Variants in NAALADL2 observed in about 807,000 individuals in gnomAD.
NAALADL2 encodes the protein N-acetylated alpha-linked acidic dipeptidase like 2.
A neutral mutation model predicts 87.2 loss-of-function variants in NAALADL2; 76 were observed. The ratio of observed to expected loss-of-function variants is 0.87; its 90% CI spans 0.72 to 1.05. The LOEUF is 1.05. NAALADL2 is among the 50% of genes least tolerant of loss of function. NAALADL2 has a pLI of 0.00. For missense variants in NAALADL2, 1,089 were observed against 945.8 expected (o/e 1.15, Z -1.99); for synonymous variants, 354 against 331.0 (o/e 1.07, Z -0.75).
intron 2 of NAALADL2, among the ~76,000 whole-genome samples, chr3:175,133,179 G>A (rs1388289609): frequency 1.3e-5 from 2 of 151,242 alleles, no homozygotes; most frequent in Non-Finnish European, 2.9e-5. Context: ...CCGGGAAGAG[G>A]CGCTCCTCAC....
intron 1 of NAALADL2, among the ~76,000 whole-genome samples, chr3:174,510,625 A>G (rs1719538596): frequency 6.6e-6 from 1 of 151,786 alleles, no homozygotes; most frequent in Non-Finnish European, 1.5e-5. Flanking sequence ...TACCAATTGT[A>G]TTGATTCTTT....
At chr3:174,828,872 A>T (rs911878556) in intron 3 of NAALADL2, among the ~76,000 whole-genome samples, 8 of 152,204 alleles carry the variant, frequency 5.3e-5, no homozygotes, top group African/African-American at 1.9e-4. Flanking sequence ...ATGATGTAGA[A>T]CAAAATGCTC....
intron 1 of NAALADL2, among the ~76,000 whole-genome samples, chr3:174,872,932 C>A (rs546297686): frequency 1.1e-3 from 171 of 152,260 alleles, no homozygotes; most frequent in African/African-American, 4.0e-3. Flanking sequence ...ATTTTGAAAG[C>A]ATTGTCTGGG....
At chr3:175,193,040 T>C (rs1738438076) in intron 2 of NAALADL2, among the ~76,000 whole-genome samples, 1 of 152,008 alleles carries the variant, frequency 6.6e-6, no homozygotes, top group South Asian at 2.1e-4. Context: ...TTTGAAATGA[T>C]AAAAGAATAC....
chr3:174,916,806 A>T (rs1368099247), intron 1 of NAALADL2, among the ~76,000 whole-genome samples: 2 of 152,120 alleles, frequency 1.3e-5, no homozygotes, highest in African/African-American at 2.4e-5. Flanking sequence ...CTCTGAAATC[A>T]CCACTAAAAA....
chr3:175,522,564 C>T (rs1247056195), intron 9 of NAALADL2, among the ~76,000 whole-genome samples: 1 of 152,160 alleles, frequency 6.6e-6, no homozygotes, highest in Non-Finnish European at 1.5e-5. Context: ...TATGAGTTCT[C>T]AAATAAAATG....
At chr3:174,838,145 G>A (rs141824466) in intron 3 of NAALADL2, among the ~76,000 whole-genome samples, 572 of 151,552 alleles carry the variant, frequency 3.8e-3, no homozygotes, top group African/African-American at 0.013. Flanking sequence ...ATAATACACC[G>A]TGATCAAGTG....
chr3:175,330,735 C>G (rs1163108190), intron 5 of NAALADL2, among the ~76,000 whole-genome samples: 1 of 151,870 alleles, frequency 6.6e-6, no homozygotes, highest in Non-Finnish European at 1.5e-5. Flanking sequence ...TCTAATGATC[C>G]ATCTCAATGA....
intron 3 of NAALADL2, among the ~76,000 whole-genome samples, chr3:174,768,487 G>A (rs1370960935): frequency 1.3e-5 from 2 of 152,130 alleles, no homozygotes; most frequent in African/African-American, 4.8e-5. Context: ...TGTGGATGAA[G>A]TCAAGTAATA....
intron 9 of NAALADL2, among the ~76,000 whole-genome samples, chr3:175,495,304 T>A (rs1728662827): frequency 1.3e-5 from 2 of 152,058 alleles, no homozygotes; most frequent in East Asian, 1.9e-4. Flanking sequence ...CTGGTAATAT[T>A]TTTATTTGTT....
At chr3:175,214,395 T>C (rs1742203917) in intron 2 of NAALADL2, among the ~76,000 whole-genome samples, 1 of 152,158 alleles carries the variant, frequency 6.6e-6, no homozygotes, top group African/African-American at 2.4e-5. Context: ...ACTCCTTCAG[T>C]AAAGGATGGA....
intron 3 of NAALADL2, among the ~76,000 whole-genome samples, chr3:174,821,619 T>G (rs1047247039): frequency 6.6e-6 from 1 of 152,194 alleles, no homozygotes. Context: ...GGAGGAGATT[T>G]GGGCAATTAC....
intron 10 of NAALADL2, among the ~76,000 whole-genome samples, chr3:175,615,979 A>G (rs1725299451): frequency 6.8e-6 from 1 of 147,404 alleles, no homozygotes; most frequent in Non-Finnish European, 1.5e-5. Flanking sequence ...TACTTATAAT[A>G]TATATTATAT....
chr3:175,626,603 G>A (rs1056713477), intron 10 of NAALADL2, among the ~76,000 whole-genome samples: 6 of 151,742 alleles, frequency 4.0e-5, no homozygotes, highest in African/African-American at 1.2e-4. Flanking sequence ...AATTTTCACC[G>A]TAATCTTATT....
At chr3:175,319,759 G>T (rs1759603309) in intron 4 of NAALADL2, among the ~76,000 whole-genome samples, 1 of 152,216 alleles carries the variant, frequency 6.6e-6, no homozygotes, top group Admixed American at 6.5e-5. Context: ...GGTGGAGGTT[G>T]TGGTGAGTCG....
chr3:175,773,903 TC>T (rs34681202), intron 13 of NAALADL2, among the ~76,000 whole-genome samples: 1 of 152,134 alleles, frequency 6.6e-6, no homozygotes, highest in South Asian at 2.1e-4. Flanking sequence ...TAGCCACTCT[TC>T]CCCCATATAA....
At chr3:175,771,929 A>C (rs751780656) in intron 13 of NAALADL2, among the ~76,000 whole-genome samples, 2 of 152,110 alleles carry the variant, frequency 1.3e-5, no homozygotes, top group Non-Finnish European at 2.9e-5. Flanking sequence ...GCCCTTATAG[A>C]ACCATCAGAT....
intron 2 of NAALADL2, among the ~76,000 whole-genome samples, chr3:175,131,570 A>G (rs1004221380): frequency 4.6e-5 from 7 of 152,072 alleles, no homozygotes; most frequent in Admixed American, 6.5e-5. Context: ...CAACCATCCG[A>G]TTTCTCAATC....
chr3:175,704,110 A>G (rs948709453), intron 11 of NAALADL2, among the ~76,000 whole-genome samples: 1 of 151,944 alleles, frequency 6.6e-6, no homozygotes, highest in Non-Finnish European at 1.5e-5. Context: ...TCTCCCTAAG[A>G]CTCTCTGAAA....
Sources: allele counts gnomAD v4.1 joint callset (sites outside exome capture counted in the v4.1 genomes callset), GRCh38; gene constraint gnomAD v4.1.1; transcripts MANE v1.5; gene names NCBI Gene and HGNC (gene_info 2026-07-23, HGNC 2026-07-21).